PPIL2: variants seen among roughly 807,000 people sequenced by gnomAD.
PPIL2 encodes the protein RING-type E3 ubiquitin-protein ligase PPIL2.
A neutral mutation model predicts 75.2 loss-of-function variants in PPIL2; 50 were observed. The observed-to-expected ratio is 0.66, with a 90% confidence interval of 0.53 to 0.84. The LOEUF is 0.84. Among genes scored for constraint, PPIL2 ranks in the 40% least tolerant of loss-of-function variants. The probability of loss-of-function intolerance (pLI) is 0.00; values close to 1 mark genes in which losing one functional copy is unlikely to be tolerated. For synonymous variants in PPIL2, 245 were observed against 258.8 expected, an observed-to-expected ratio of 0.95 and a Z score of 0.51; for missense variants, 590 against 685.0, an observed-to-expected ratio of 0.86 and a Z score of 1.55.
chr22:21,672,762 G>C (rs1276446960), intron 5 of PPIL2, among the ~76,000 whole-genome samples: 1 of 152,170 alleles, frequency 6.6e-6, no homozygotes, highest in Non-Finnish European at 1.5e-5. Context: ...TATTTTACCA[G>C]TGACCTTGCC....
intron 4 of PPIL2, 106 bp from the exon 5 acceptor site, chr22:21,672,224 C>T: frequency 1.1e-6 from 1 of 906,284 alleles, no homozygotes; most frequent in East Asian, 2.5e-5. Flanking sequence ...GAAGCAAGAC[C>T]CCTTCACAGG....
chr22:21,676,848 G>A (rs928064614), intron 6 of PPIL2, among the ~76,000 whole-genome samples: 3 of 152,194 alleles, frequency 2.0e-5, no homozygotes, highest in African/African-American at 7.2e-5. Context: ...TCGTCATCAT[G>A]GCCTGTTCTC....
chr22:21,696,164 G>C lies in PPIL2; in HGVS notation c.*674G>C. 2.0e-6 allele frequency: 2 copies of C among 998,474 alleles called. No individual in the cohort carries two copies. The highest frequency in any genetic ancestry group is 2.1e-4 in the East Asian group (2 of 9,304). 61.9% of individuals were successfully genotyped at this position (998,474 alleles called of 1,614,324 possible). On this transcript the variant is annotated 3_prime_UTR_variant, in exon 20 of 20. Transcript: ENST00000398831. ...TCGGTCTGTTTTGACAAAACTTCAG[G>C]GGCTTCTGAAGGCTGGTGTTGGACG...
Position 21,697,852 on chromosome 22 carries a change from T to C in PPIL2, c.*2362T>C, listed in dbSNP as rs1222495674. The C allele has an allele frequency of 1.3e-5, 2 of 152,384 alleles. No individual in the cohort carries two copies. The highest frequency in any genetic ancestry group is 4.8e-5 in the African/African-American group (2 of 41,454). The allele number at this position is 152,384 out of a possible 1,614,324, so 9.4% of individuals were successfully genotyped here. On this transcript the variant is annotated 3_prime_UTR_variant, in exon 20 of 20. Coordinates refer to ENST00000398831, the MANE Select transcript of PPIL2 (RefSeq NM_014337.4). ...GTAGTTTTTTAGCTATTAAAACCAT[T>C]TGAATTTTTAACGACCTGATGAGGG... is the stretch of plus-strand genomic sequence containing the variant.
chr22:21,689,890 G>A (rs1197653564), intron 15 of PPIL2, among the ~76,000 whole-genome samples: 1 of 152,212 alleles, frequency 6.6e-6, no homozygotes, highest in East Asian at 1.9e-4. Context: ...GCCACTACAA[G>A]GCCAGAGTGG....
intron 13 of PPIL2, among the ~76,000 whole-genome samples, 163 bp downstream of exon 13, chr22:21,687,895 G>A (rs2067441328): frequency 6.6e-6 from 1 of 152,244 alleles, no homozygotes; most frequent in South Asian, 2.1e-4. Flanking sequence ...TGACCCTTGA[G>A]GCCCCAGCCC....
At chr22:21,687,023 C>T (rs781170340) in intron 12 of PPIL2, 25 bp downstream of exon 12, 2 of 1,596,122 alleles carry the variant, frequency 1.3e-6, no homozygotes, top group African/African-American at 2.7e-5. Context: ...CAGCCACTCC[C>T]CATGCCCCAA....
At chr22:21,684,120 T>G (rs1370743960) in intron 9 of PPIL2, among the ~76,000 whole-genome samples, 1 of 151,660 alleles carries the variant, frequency 6.6e-6, no homozygotes, top group Non-Finnish European at 1.5e-5. Context: ...GGCAGGAGAA[T>G]CGATTGAGCC....
chr22:21,677,123 G>A (rs1362266919), intron 6 of PPIL2, among the ~76,000 whole-genome samples: 4 of 146,810 alleles, frequency 2.7e-5, no homozygotes, highest in African/African-American at 7.6e-5. Flanking sequence ...GGGGCTCCTC[G>A]CTTCTCAGAC....
Position 21,689,256 on chromosome 22 carries a change from T to C in PPIL2, c.1139+407T>C, listed in dbSNP as rs535810549. On this transcript the variant is annotated intron_variant, in intron 15 of 19. Coordinates refer to ENST00000398831, the MANE Select transcript of PPIL2 (RefSeq NM_014337.4). ...TGGCCCTGGTGCATGTGGGGAGCAG[T>C]GTGCAGTCTGGTGGCAGGAGGCAGG... Among the ~76,000 whole-genome samples, 4 of 152,094 alleles carry C rather than the reference T, an allele frequency of 2.6e-5. No homozygotes were observed. In the South Asian group the frequency reaches 8.3e-4, roughly 32 times the overall value.
Position 21,686,694 on chromosome 22 carries a change from A to G in PPIL2, c.790+136A>G, listed in dbSNP as rs1046536508. 6 of 1,073,746 alleles carry G rather than the reference A, an allele frequency of 5.6e-6. No homozygotes were observed. The African/African-American group carries it at 7.8e-5, about 14-fold the overall frequency. The allele number at this position is 1,073,746 out of a possible 1,614,324, so 66.5% of individuals were successfully genotyped here. A position where few individuals can be genotyped will look rare whatever the true frequency, so the allele number is the denominator to read the frequency against. The stretch of plus-strand genomic sequence containing the variant: ...CTGAGCCCCTAGTCCTCCCCCTCTT[A>G]GCTGCTGAACCCCTGCCAGCCCCAT... On this transcript the variant is annotated intron_variant, in intron 11 of 19. Coordinates refer to ENST00000398831, the MANE Select transcript of PPIL2 (RefSeq NM_014337.4).
chr22:21,688,791 A>ACGGGC lies in PPIL2; in HGVS notation c.1084_1088dup (p.Gly364AlafsTer46). ...CGAGTTCCGGCCCAACCTCTCGCAC[A>ACGGGC]CGGGCCGCGGCATCCTCAGCATGGC... On this transcript the variant is annotated frameshift_variant, in exon 15 of 20. Coordinates refer to ENST00000398831, the MANE Select transcript of PPIL2 (RefSeq NM_014337.4). LOFTEE classifies it high-confidence loss of function. The ACGGGC allele has an allele frequency of 6.2e-7, 1 of 1,614,142 alleles. No individual in the cohort carries two copies. The highest frequency in any genetic ancestry group is 8.5e-7 in the Non-Finnish European group (1 of 1,180,026).
intron 6 of PPIL2, among the ~76,000 whole-genome samples, chr22:21,677,007 C>T (rs1461374969): frequency 5.3e-5 from 8 of 150,376 alleles, no homozygotes; most frequent in South Asian, 4.2e-4. Context: ...CCCTCTTGGA[C>T]GGGGCGGCTG....
At chr22:21,681,494 C>A in intron 7 of PPIL2, 104 bp downstream of exon 7, 1 of 1,042,768 alleles carries the variant, frequency 9.6e-7, no homozygotes, top group South Asian at 1.4e-5. Flanking sequence ...GGCCTGTCCT[C>A]GTGGGGTTTA....
chr22:21,670,713 C>A, intron 3 of PPIL2, 102 bp downstream of exon 3: 2 of 1,285,824 alleles, frequency 1.6e-6, no homozygotes, highest in Admixed American at 1.7e-5. Context: ...TAAAAGTGTG[C>A]CTTGAAGATG....
intron 14 of PPIL2, 103 bp from the exon 15 acceptor site, chr22:21,688,629 C>T (rs2278118): frequency 0.33 from 363,590 of 1,110,676 alleles, 62,038 homozygotes; most frequent in Non-Finnish European, 0.36. Context: ...CTGCCCCAGG[C>T]TGGGCTCAGC....
At chr22:21,674,841 C>T (rs148610465) in intron 5 of PPIL2, among the ~76,000 whole-genome samples, 164 of 152,336 alleles carry the variant, frequency 1.1e-3, no homozygotes, top group African/African-American at 3.6e-3. Flanking sequence ...TCACCCGTGA[C>T]GGCTCTTCTC....
chr22:21,696,121 C>A lies in PPIL2; in HGVS notation c.*631C>A, dbSNP rs2067918745. ...GACCCCAGACTTACTGAGCCTAAGCCTCTGCAGGGTGGGCTTCTCGGTCTG... is the reference window on the plus strand; with the variant it reads ...GACCCCAGACTTACTGAGCCTAAGCATCTGCAGGGTGGGCTTCTCGGTCTG... On this transcript the variant is annotated 3_prime_UTR_variant, in exon 20 of 20. Coordinates refer to ENST00000398831, the MANE Select transcript of PPIL2 (RefSeq NM_014337.4). The A allele has an allele frequency of 1.0e-6, 1 of 993,718 alleles. No individual in the cohort carries two copies. The highest frequency in any genetic ancestry group is 4.4e-5 in the South Asian group (1 of 22,936). 61.6% of individuals were successfully genotyped at this position (993,718 alleles called of 1,614,324 possible). A position where few individuals can be genotyped will look rare whatever the true frequency, so the allele number is the denominator to read the frequency against.
At chr22:21,672,730 TGGTTCCGA>T (rs1394559767) in intron 5 of PPIL2, among the ~76,000 whole-genome samples, 3 of 152,236 alleles carry the variant, frequency 2.0e-5, no homozygotes, top group African/African-American at 7.2e-5. Flanking sequence ...TTATGCAGCC[TGGTTCCGA>T]GGGAGATCTA....
Sources: gnomAD v4.1 joint callset for allele counts (sites outside exome capture counted in the v4.1 genomes callset) on GRCh38, gnomAD v4.1.1 for gene constraint, MANE v1.5 for transcripts, NCBI Gene and HGNC (gene_info 2026-07-23, HGNC 2026-07-21) for gene names.